The following SATB1 variants were observed in gnomAD, a reference collection of about 807,000 sequenced individuals.
SATB1 encodes the protein SATB homeobox 1.
Under a neutral mutation model 86.9 loss-of-function variants are expected in SATB1, and 11 were observed. That is an observed-to-expected ratio of 0.13 (90% CI 0.08 to 0.21). The LOEUF (loss-of-function observed/expected upper bound fraction) is 0.21. Ranked by LOEUF, SATB1 falls within the 10% of genes least tolerant of loss-of-function variation. The pLI is 1.00. For synonymous variants in SATB1, 357 were observed against 357.2 expected (o/e 1.00, Z 0.01); for missense variants, 551 against 937.6 (o/e 0.59, Z 5.39).
rs144958930 is a variant in SATB1 at position 18,364,149 on chromosome 3, A to G, written c.1576-11954T>C. Among the ~76,000 whole-genome samples the G allele has an allele frequency of 1.4e-3, 207 of 152,266 alleles. 5 individuals carry two copies. The East Asian group carries it at 0.033, about 24-fold the overall frequency. On this transcript the variant is annotated intron_variant, in intron 9 of 10. Coordinates refer to ENST00000338745, the MANE Select transcript of SATB1 (RefSeq NM_002971.6). Reference sequence around the variant, plus strand: ...TACATATATATTTTTTTCCTCTACAAAATTTATCTAATCATTGATCTCATC... The same window carrying G: ...TACATATATATTTTTTTCCTCTACAGAATTTATCTAATCATTGATCTCATC...
intron 9 of SATB1, among the ~76,000 whole-genome samples, chr3:18,376,051 A>G (rs1695734146): frequency 6.6e-6 from 1 of 152,170 alleles, no homozygotes; most frequent in Non-Finnish European, 1.5e-5. Flanking sequence ...ATAGAGACCC[A>G]TGAGGAGCTG....
At chr3:18,378,472 T>C in intron 8 of SATB1, 147 bp from the exon 9 acceptor site, 1 of 747,864 alleles carries the variant, frequency 1.3e-6, no homozygotes, top group Non-Finnish European at 2.1e-6. Flanking sequence ...GTTATTGCCC[T>C]GAGATCAGAT....
intron 10 of SATB1, chr3:18,351,715 C>T (rs1694371527): frequency 3.8e-6 from 2 of 524,866 alleles, no homozygotes; most frequent in African/African-American, 1.9e-5. Flanking sequence ...TAACACAAAA[C>T]CCAATACCAA....
chr3:18,376,324 G>A (rs1037326968), intron 9 of SATB1, among the ~76,000 whole-genome samples: 1 of 151,758 alleles, frequency 6.6e-6, no homozygotes, highest in African/African-American at 2.4e-5. Context: ...AACTAAATAT[G>A]GTTATTAATA....
At chr3:18,414,022 T>C (rs1293438155) in intron 5 of SATB1, among the ~76,000 whole-genome samples, 4 of 152,102 alleles carry the variant, frequency 2.6e-5, no homozygotes, top group African/African-American at 7.2e-5. Context: ...GAATATCTGC[T>C]ACTCAGAATA....
At chr3:18,409,389 GTAGAT>G (rs1277706972) in intron 5 of SATB1, 1 of 152,020 alleles carries the variant, frequency 6.6e-6, no homozygotes, top group Non-Finnish European at 1.5e-5. Context: ...CAATTCTGTT[GTAGAT>G]TATACACATT....
chr3:18,435,069 T>C (rs1378278283), intron 2 of SATB1: 1 of 152,148 alleles, frequency 6.6e-6, no homozygotes, highest in Non-Finnish European at 1.5e-5. Flanking sequence ...AATACCAATA[T>C]TTTAAATGAA....
intron 9 of SATB1, among the ~76,000 whole-genome samples, chr3:18,360,631 G>A (rs576488485): frequency 1.3e-5 from 2 of 151,838 alleles, no homozygotes; most frequent in South Asian, 4.2e-4. Flanking sequence ...ATTTATCTAT[G>A]TGAACTTGAA....
At chr3:18,367,952 T>C (rs1695269488) in intron 9 of SATB1, among the ~76,000 whole-genome samples, 1 of 152,202 alleles carries the variant, frequency 6.6e-6, no homozygotes, top group African/African-American at 2.4e-5. Context: ...ATCCCTAACA[T>C]ACCTTCAAGT....
chr3:18,426,326 A>AG (rs1267550174), upstream of SATB1, among the ~76,000 whole-genome samples: 1 of 152,256 alleles, frequency 6.6e-6, no homozygotes, highest in Non-Finnish European at 1.5e-5. The surrounding 1 kb of genome is among the most constrained non-coding windows in gnomAD (Gnocchi z 4.2). Context: ...TACGTGGCCG[A>AG]GTTAAACAAA....
chr3:18,375,192 A>C (rs1695682137), intron 9 of SATB1, among the ~76,000 whole-genome samples: 1 of 152,200 alleles, frequency 6.6e-6, no homozygotes. Context: ...GTAGTACTTC[A>C]GTGATGATGC....
At chr3:18,410,900 A>G (rs752358059) in intron 5 of SATB1, 21 of 386,532 alleles carry the variant, frequency 5.4e-5, no homozygotes, top group Non-Finnish European at 6.8e-5. Context: ...AACATCAACT[A>G]AACACCTAAG....
intron 9 of SATB1, among the ~76,000 whole-genome samples, chr3:18,354,817 T>C (rs977488195): frequency 6.6e-6 from 1 of 152,118 alleles, no homozygotes; most frequent in Non-Finnish European, 1.5e-5. Context: ...ACACTCATGC[T>C]GGTTTAACAA....
rs899116593 is a variant in SATB1 at position 18,348,402 on chromosome 3, A to G, written c.*768T>C. The G allele has an allele frequency of 6.6e-6, 1 of 152,562 alleles. No individual in the cohort carries two copies. Among genetic ancestry groups the G allele is most frequent in the Non-Finnish European group, 1.5e-5 (1 of 68,026 alleles). 9.5% of individuals were successfully genotyped at this position (152,562 alleles called of 1,614,324 possible). On this transcript the variant is annotated 3_prime_UTR_variant, in exon 11 of 11. Transcript: ENST00000338745. ...ACTGCCCATCAAAATACATTTATAA[A>G]TAGAAAAGAATCAGTATGGTAACAA...
At chr3:18,411,590 C>G (rs1339460951) in intron 5 of SATB1, among the ~76,000 whole-genome samples, 2 of 151,390 alleles carry the variant, frequency 1.3e-5, no homozygotes, top group African/African-American at 4.9e-5. Context: ...AATCCATATC[C>G]TCAAAAGTTT....
chr3:18,382,488 T>C (rs1403198629), intron 8 of SATB1, among the ~76,000 whole-genome samples: 3 of 152,122 alleles, frequency 2.0e-5, no homozygotes, highest in Non-Finnish European at 2.9e-5. Flanking sequence ...TTCTGTAAAA[T>C]ATACAATTCT....
At chr3:18,398,458 T>C (rs1005372742) in intron 5 of SATB1, among the ~76,000 whole-genome samples, 5 of 152,184 alleles carry the variant, frequency 3.3e-5, no homozygotes, top group Non-Finnish European at 7.3e-5. Flanking sequence ...GGCAGCATTG[T>C]TCAGGAGGCA....
chr3:18,415,593 TA>T (rs540215604), intron 4 of SATB1, among the ~76,000 whole-genome samples: 184 of 151,956 alleles, frequency 1.2e-3, no homozygotes, highest in African/African-American at 4.2e-3. Context: ...TTAAAAATCA[TA>T]AAAAAATAAA....
chr3:18,428,937 C>T (rs1392712199), upstream of SATB1, among the ~76,000 whole-genome samples: 2 of 152,212 alleles, frequency 1.3e-5, no homozygotes, highest in Non-Finnish European at 2.9e-5. Context: ...GATATAGCAA[C>T]TCCGCCAGTG....
Sources: allele counts gnomAD v4.1 joint callset (sites outside exome capture counted in the v4.1 genomes callset), GRCh38; gene constraint gnomAD v4.1.1; non-coding constraint Gnocchi (gnomAD v3.1); transcripts MANE v1.5; gene names NCBI Gene and HGNC (gene_info 2026-07-23, HGNC 2026-07-21).